The following KLF13 variants were observed in gnomAD, a reference collection of about 807,000 sequenced individuals.
KLF13 encodes the protein Krueppel-like factor 13.
A neutral mutation model predicts 16.7 loss-of-function variants in KLF13; 8 were observed. The ratio of observed to expected loss-of-function variants is 0.48; its 90% CI spans 0.28 to 0.87. The LOEUF is 0.87. KLF13 is among the 40% of genes least tolerant of loss of function. KLF13 has a pLI of 0.10. For missense variants in KLF13, 447 were observed against 452.2 expected (o/e 0.99, Z 0.10); for synonymous variants, 245 against 208.4 (o/e 1.18, Z -1.51).
At chr15:31,394,225 C>A (rs1394426934) in intron 2 of KLF13, among the ~76,000 whole-genome samples, 1 of 152,086 alleles carries the variant, frequency 6.6e-6, no homozygotes, top group East Asian at 1.9e-4. Context: ...GCCTGAAATC[C>A]TAACACTTTG....
chr15:31,368,837 T>C (rs535656554), intron 1 of KLF13, among the ~76,000 whole-genome samples: 1 of 152,056 alleles, frequency 6.6e-6, no homozygotes, highest in East Asian at 1.9e-4. Context: ...GATAGATAGA[T>C]AGATAGATAG....
At chr15:31,429,182 GAAA>G in intron 1 of KLF13, among the ~76,000 whole-genome samples, 1 of 137,492 alleles carries the variant, frequency 7.3e-6, no homozygotes, top group East Asian at 1.9e-4. Flanking sequence ...GAGCAGCAGG[GAAA>G]GGACAGCGTT....
At position 31,414,773 on chromosome 15, in the gene KLF13, A is replaced by G. The variant is rs551952580; in HGVS notation, n.118-20597A>G. ...ATAGACATTTCAATATCCTCTCTCA[A>G]TGATAGAATGATTAGACAGAAGATC... On this transcript the variant is annotated intron_variant and non_coding_transcript_variant, in intron 1 of 1. Coordinates refer to the KLF13 transcript ENST00000558225. 9.2e-5 allele frequency among the ~76,000 whole-genome samples: 14 copies of G among 152,328 alleles called. No individual in the cohort carries two copies. In the South Asian group the frequency reaches 2.7e-3, roughly 29 times the overall value.
chr15:31,414,996 T>G (rs2040238649), intron 1 of KLF13, among the ~76,000 whole-genome samples: 1 of 152,208 alleles, frequency 6.6e-6, no homozygotes, highest in African/African-American at 2.4e-5. Flanking sequence ...CTTGGTGCTA[T>G]CCTCATATTA....
chr15:31,331,649 C>T (rs529127610), intron 1 of KLF13, among the ~76,000 whole-genome samples: 13 of 152,154 alleles, frequency 8.5e-5, no homozygotes, highest in Non-Finnish European at 1.9e-4. Context: ...ACACACAGGC[C>T]AGTGGCTCAG....
chr15:31,336,813 G>A (rs914367874), intron 1 of KLF13, among the ~76,000 whole-genome samples: 2 of 152,138 alleles, frequency 1.3e-5, no homozygotes, highest in Admixed American at 6.5e-5. Context: ...ATTCACCTGG[G>A]CCACTGGCTG....
At chr15:31,396,348 AGG>A (rs1229476654) in intron 2 of KLF13, among the ~76,000 whole-genome samples, 121 of 150,960 alleles carry the variant, frequency 8.0e-4, no homozygotes, top group African/African-American at 2.9e-3. Flanking sequence ...TAGTAGAGAC[AGG>A]GTTTCACCAT....
intron 1 of KLF13, among the ~76,000 whole-genome samples, chr15:31,354,174 C>A (rs919782895): frequency 1.3e-5 from 2 of 152,000 alleles, no homozygotes; most frequent in African/African-American, 4.8e-5. Context: ...AATGTCCAGT[C>A]CAGGACATCA....
At chr15:31,378,395 G>A (rs1308947365), downstream of KLF13, among the ~76,000 whole-genome samples, 2 of 152,154 alleles carry the variant, frequency 1.3e-5, no homozygotes, top group African/African-American at 2.4e-5. Context: ...GTGCTCCAGC[G>A]AGGACGAGTC....
intron 1 of KLF13, among the ~76,000 whole-genome samples, chr15:31,430,509 G>T: frequency 6.6e-6 from 1 of 152,176 alleles, no homozygotes; most frequent in East Asian, 1.9e-4. Flanking sequence ...TGGTGGAAGG[G>T]CAAAGAGAGG....
intron 1 of KLF13, among the ~76,000 whole-genome samples, chr15:31,343,044 C>T (rs886274239): frequency 6.6e-6 from 1 of 152,234 alleles, no homozygotes. Context: ...ATGGAGTTTC[C>T]GCATCCCCCT....
At chr15:31,423,176 C>CGTGT (rs149346729) in intron 1 of KLF13, among the ~76,000 whole-genome samples, 6 of 17,000 alleles carry the variant, frequency 3.5e-4, no homozygotes, top group African/African-American at 2.1e-3. Flanking sequence ...TATATATATA[C>CGTGT]ATATATACGT....
In KLF13 at chr15:31,368,847, G is replaced by GATA. The variant is rs1389697831; in HGVS notation, c.578-3163_578-3162insATA. On this transcript the variant is annotated intron_variant, in intron 1 of 1. Coordinates refer to ENST00000307145, the MANE Select transcript of KLF13 (RefSeq NM_015995.4). Reference sequence around the variant, plus strand: ...AGATAGATAGATAGATAGATAGATAGGTAGATAGATAGATACCCATAACAC... The same window carrying GATA: ...AGATAGATAGATAGATAGATAGATAGATAGTAGATAGATAGATACCCATAACAC... 1.4e-4 allele frequency among the ~76,000 whole-genome samples: 21 copies of GATA among 152,200 alleles called. 2 individuals carry two copies. The highest frequency in any genetic ancestry group is 9.2e-4 in the Admixed American group (14 of 15,280).
intron 1 of KLF13, among the ~76,000 whole-genome samples, chr15:31,337,353 C>T (rs566421746): frequency 4.8e-4 from 73 of 152,236 alleles, no homozygotes; most frequent in Non-Finnish European, 9.0e-4. Flanking sequence ...GACAGCAGCA[C>T]GTTAGGACCC....
At chr15:31,329,808 C>T (rs955138836) in intron 1 of KLF13, among the ~76,000 whole-genome samples, 2 of 152,186 alleles carry the variant, frequency 1.3e-5, no homozygotes, top group Non-Finnish European at 2.9e-5. Flanking sequence ...AGAAGTCCTA[C>T]CTCCAGGGTG....
rs2039566897 is a variant in KLF13 at position 31,372,261 on chromosome 15, G to A, written c.829G>A (p.Ala277Thr). 7 of 1,532,116 alleles carry A rather than the reference G, an allele frequency of 4.6e-6. No homozygotes were observed. The highest frequency in any genetic ancestry group is 6.1e-6 in the Non-Finnish European group (7 of 1,144,510). 94.9% of individuals were successfully genotyped at this position (1,532,116 alleles called of 1,614,324 possible). The change falls in exon 2 of 2, where the codon GCC (alanine) becomes ACC (threonine). Residue 277 changes from alanine to threonine, a missense_variant. Transcript: ENST00000307145. ...GSLSDYSRSDASSPTISPASS... is the reference protein window; with the variant it reads ...GSLSDYSRSDTSSPTISPASS... ...CCTCAGCGACTACAGCCGCTCCGAC[G>A]CCAGCAGCCCCACCATCAGCCCGGC...
exon 3 of KLF13, chr15:31,404,142 C>A (rs192778189): frequency 6.6e-6 from 1 of 152,274 alleles, no homozygotes; most frequent in Non-Finnish European, 1.5e-5. Context: ...AGGCAAGTTA[C>A]CAGTGGGCCC....
intron 1 of KLF13, among the ~76,000 whole-genome samples, chr15:31,421,661 G>T (rs186205673): frequency 6.6e-6 from 1 of 151,668 alleles, no homozygotes; most frequent in Admixed American, 6.6e-5. Context: ...AAATGAGAAA[G>T]GAATCAAACT....
chr15:31,342,115 G>C (rs914312609), intron 1 of KLF13, among the ~76,000 whole-genome samples: 4 of 152,150 alleles, frequency 2.6e-5, no homozygotes, highest in African/African-American at 9.7e-5. Context: ...CAAGGTGAAA[G>C]ACTCAGTCAC....
Sources: gnomAD v4.1 joint callset for allele counts (sites outside exome capture counted in the v4.1 genomes callset) on GRCh38, gnomAD v4.1.1 for gene constraint, MANE v1.5 for transcripts, NCBI Gene and HGNC (gene_info 2026-07-23, HGNC 2026-07-21) for gene names.